SKI: variants seen among roughly 807,000 people sequenced by gnomAD.
SKI encodes ski oncogene.
SKI carries 23 observed loss-of-function variants against 59.3 expected under a neutral mutation model. The ratio of observed to expected loss-of-function variants is 0.39; its 90% CI spans 0.28 to 0.55. The LOEUF (loss-of-function observed/expected upper bound fraction) is 0.55. Among genes scored for constraint, SKI ranks in the 20% least tolerant of loss-of-function variants. The pLI is 0.67. For missense variants in SKI, 1,017 were observed against 1,038.9 expected (o/e 0.98, Z 0.29); for synonymous variants, 673 against 488.6 (o/e 1.38, Z -4.98).
At chr1:2,263,280 C>T (rs1322246742) in intron 1 of SKI, among the ~76,000 whole-genome samples, 1 of 148,676 alleles carries the variant, frequency 6.7e-6, no homozygotes, top group Non-Finnish European at 1.5e-5. Flanking sequence ...CTCTGTCGCC[C>T]AGGCTGGAGT....
At position 2,269,909 on chromosome 1, in the gene SKI, G is replaced by T. The variant is rs1280355733; in HGVS notation, c.970-33069G>T. On this transcript the variant is annotated intron_variant, in intron 1 of 6. Transcript: ENST00000378536. This position sits in a 1 kb window ranked among gnomAD's most constrained non-coding sequence, Gnocchi z 4.7. ...CTCGTGGTGCCTGTGGCTGGCGTGG[G>T]TCTGGCGGGTCTGGTGGTGCCTGTG... Among the ~76,000 whole-genome samples, 1 of 113,888 alleles carries T rather than the reference G, an allele frequency of 8.8e-6. No individual in the cohort carries two copies. 74.7% of individuals were successfully genotyped at this position (113,888 alleles called of 152,430 possible).
chr1:2,308,285 C>T lies in SKI; in HGVS notation c.*1520C>T, dbSNP rs1640650943. On this transcript the variant is annotated 3_prime_UTR_variant, in exon 7 of 7. Transcript: ENST00000378536. ...ACCTCGGGGCAGTGACGAGCAAAGA[C>T]CAGAGACTGCTGAGCCCTCGCATCT... 1.3e-5 allele frequency: 2 copies of T among 152,316 alleles called. No homozygotes were observed. Among genetic ancestry groups the T allele is most frequent in the South Asian group, 2.1e-4 (1 of 4,826 alleles). 9.4% of individuals were successfully genotyped at this position (152,316 alleles called of 1,614,324 possible).
chr1:2,304,410 C>G lies in SKI; in HGVS notation c.1592C>G (p.Pro531Arg), dbSNP rs754831139. The part of the protein sequence containing the change: ...LPSAVPDAAA[P>R]ADAPSGLEAE... ...TCGGCCGTCCCTGATGCTGCGGCCC[C>G]TGCCGACGCCCCCAGTGGGCTGGAG... The change falls in exon 5 of 7, where the codon CCT becomes CGT. Residue 531 changes from proline to arginine, a missense_variant. By Grantham distance (103) the Pro-to-Arg change is moderately radical. Transcript: ENST00000378536. 1 of 1,553,896 alleles carries G rather than the reference C, an allele frequency of 6.4e-7. No homozygotes were observed. Among genetic ancestry groups the G allele is most frequent in the South Asian group, 1.2e-5 (1 of 84,320 alleles).
Position 2,229,828 on chromosome 1 carries a change from T to C in SKI, c.969+93T>C, listed in dbSNP as rs1303147358. Reference sequence around the variant, plus strand: ...GCTCTGGTCTCCGAAGGCTGGGACCTGTGCTTCTGCCGTGCCCCATGTCTC... The same window carrying C: ...GCTCTGGTCTCCGAAGGCTGGGACCCGTGCTTCTGCCGTGCCCCATGTCTC... On this transcript the variant is annotated intron_variant, in intron 1 of 6. Coordinates refer to ENST00000378536, the MANE Select transcript of SKI (RefSeq NM_003036.4). This position sits in a 1 kb window ranked among gnomAD's most constrained non-coding sequence, Gnocchi z 6.3. 5 of 1,540,844 alleles carry C rather than the reference T, an allele frequency of 3.2e-6. No individual in the cohort carries two copies. Among genetic ancestry groups the C allele is most frequent in the African/African-American group, 2.8e-5 (2 of 72,700 alleles).
At chr1:2,277,344 T>C (rs1049480875) in intron 1 of SKI, among the ~76,000 whole-genome samples, 7 of 152,154 alleles carry the variant, frequency 4.6e-5, no homozygotes, top group Non-Finnish European at 8.8e-5. Context: ...TCCAAGAATT[T>C]CCATGTGTTG....
chr1:2,291,962 G>A (rs1266068040), intron 1 of SKI, among the ~76,000 whole-genome samples: 1 of 152,216 alleles, frequency 6.6e-6, no homozygotes, highest in East Asian at 1.9e-4. Context: ...TCAGAAAATA[G>A]GTTAATTTAA....
At chr1:2,233,021 C>T (rs1233412573) in intron 1 of SKI, among the ~76,000 whole-genome samples, 1 of 152,212 alleles carries the variant, frequency 6.6e-6, no homozygotes, top group Non-Finnish European at 1.5e-5. Flanking sequence ...GTATAGACAG[C>T]TGTCAGAGAC....
intron 1 of SKI, among the ~76,000 whole-genome samples, chr1:2,272,313 C>A (rs1639641954): frequency 6.6e-6 from 1 of 152,380 alleles, no homozygotes; most frequent in African/African-American, 2.4e-5. Flanking sequence ...GCAAAACACA[C>A]ATAGACTTCC....
At chr1:2,237,166 G>A (rs943141517) in intron 1 of SKI, among the ~76,000 whole-genome samples, 3 of 152,202 alleles carry the variant, frequency 2.0e-5, no homozygotes, top group Non-Finnish European at 4.4e-5. Flanking sequence ...CTTGTGTGCC[G>A]TTATGGGGGC....
intron 1 of SKI, among the ~76,000 whole-genome samples, chr1:2,286,534 T>G (rs1161899225): frequency 1.3e-5 from 2 of 152,262 alleles, no homozygotes; most frequent in Non-Finnish European, 2.9e-5. Context: ...AGTGTTTAAC[T>G]TGTGGAATCA....
chr1:2,305,610 T>C (rs1640552922), intron 5 of SKI, among the ~76,000 whole-genome samples: 1 of 152,256 alleles, frequency 6.6e-6, no homozygotes, highest in Admixed American at 6.5e-5. Context: ...GCCGGGCGGA[T>C]GGACGTGTCC....
chr1:2,301,587 G>A (rs1475910088), intron 1 of SKI, among the ~76,000 whole-genome samples: 2 of 152,194 alleles, frequency 1.3e-5, no homozygotes, highest in African/African-American at 2.4e-5. Context: ...CATAATTGGA[G>A]CACCTTGATG....
At chr1:2,294,660 G>C (rs999983043) in intron 1 of SKI, among the ~76,000 whole-genome samples, 1 of 152,244 alleles carries the variant, frequency 6.6e-6, no homozygotes, top group Non-Finnish European at 1.5e-5. Flanking sequence ...TGGTTGCCAG[G>C]GATGGCTATG....
chr1:2,243,075 C>G (rs1638915021), intron 1 of SKI, among the ~76,000 whole-genome samples: 1 of 152,256 alleles, frequency 6.6e-6, no homozygotes, highest in Admixed American at 6.5e-5. Flanking sequence ...CTGCCCTGCT[C>G]TGCTCAGCAG....
In SKI at chr1:2,267,156, C is replaced by T. The variant is rs1031099263; in HGVS notation, c.970-35822C>T. Among the ~76,000 whole-genome samples, 9 of 152,282 alleles carry T rather than the reference C, an allele frequency of 5.9e-5. No homozygotes were observed. Among genetic ancestry groups the T allele is most frequent in the East Asian group, 5.8e-4 (3 of 5,184 alleles). Reference sequence around the variant, plus strand: ...AGTGCCATGATTTTGACTATTCAGGCGAGCAACTGCATCGAGCCAGCACTG... The same window carrying T: ...AGTGCCATGATTTTGACTATTCAGGTGAGCAACTGCATCGAGCCAGCACTG... On this transcript the variant is annotated intron_variant, in intron 1 of 6. Coordinates refer to ENST00000378536, the MANE Select transcript of SKI (RefSeq NM_003036.4). The surrounding 1 kb of genome is among the most constrained non-coding windows in gnomAD (Gnocchi z 4.1).
At chr1:2,293,490 T>C (rs528086666) in intron 1 of SKI, among the ~76,000 whole-genome samples, 1 of 150,810 alleles carries the variant, frequency 6.6e-6, no homozygotes, top group African/African-American at 2.4e-5. Context: ...CATTTGGCCG[T>C]CCCCTTTTCT....
rs1639518626 is a variant in SKI at position 2,267,206 on chromosome 1, G to A, written c.970-35772G>A. On this transcript the variant is annotated intron_variant, in intron 1 of 6. Transcript: ENST00000378536. The surrounding 1 kb of genome is among the most constrained non-coding windows in gnomAD (Gnocchi z 4.1). ...GAACTGGTTTTGTAACAAGCTTGGT[G>A]TCCATATCGCTCTTAATAACATCTG... is the stretch of plus-strand genomic sequence containing the variant. 6.6e-6 allele frequency among the ~76,000 whole-genome samples: 1 copy of A among 152,158 alleles called. No homozygotes were observed. The highest frequency in any genetic ancestry group is 2.1e-4 in the South Asian group (1 of 4,826).
At chr1:2,254,874 G>A (rs1218889123) in intron 1 of SKI, among the ~76,000 whole-genome samples, 1 of 152,172 alleles carries the variant, frequency 6.6e-6, no homozygotes, top group East Asian at 1.9e-4. Context: ...GGTTTCTGAG[G>A]GTGGAGACAG....
At chr1:2,259,428 G>T (rs1383081810) in intron 1 of SKI, among the ~76,000 whole-genome samples, 1 of 152,188 alleles carries the variant, frequency 6.6e-6, no homozygotes, top group Non-Finnish European at 1.5e-5. Flanking sequence ...AGCCGTGGTG[G>T]TTTCATGCCA....
Sources: gnomAD v4.1 joint callset for allele counts (sites outside exome capture counted in the v4.1 genomes callset) on GRCh38, gnomAD v4.1.1 for gene constraint, Gnocchi (gnomAD v3.1) non-coding constraint, MANE v1.5 for transcripts, NCBI Gene and HGNC (gene_info 2026-07-23, HGNC 2026-07-21) for gene names.